TLN2: variants seen among roughly 807,000 people sequenced by gnomAD.
The protein encoded by TLN2 is talin-2.
In TLN2, 118 loss-of-function variants were observed where a neutral mutation model predicts 294.7. The observed-to-expected ratio is 0.40, with a 90% CI of 0.34 to 0.47. The LOEUF (loss-of-function observed/expected upper bound fraction) is 0.47, where lower values mean the gene tolerates loss of function less well. Among genes scored for constraint, TLN2 ranks in the 20% least tolerant of loss-of-function variants. The pLI, the probability that TLN2 is intolerant of heterozygous loss-of-function variation, is 0.84. For synonymous variants in TLN2, 1,431 were observed against 1,304.5 expected (o/e 1.10, Z -2.09); for missense variants, 3,083 against 3,282.2 (o/e 0.94, Z 1.48).
At chr15:62,464,727 T>G (rs936735530) in intron 1 of TLN2, among the ~76,000 whole-genome samples, 1 of 152,186 alleles carries the variant, frequency 6.6e-6, no homozygotes, top group Non-Finnish European at 1.5e-5. Context: ...TTATTCTTGT[T>G]CATGTTAGCA....
At chr15:62,412,626 T>A (rs1379417865) in intron 1 of TLN2, among the ~76,000 whole-genome samples, 1 of 152,212 alleles carries the variant, frequency 6.6e-6, no homozygotes, top group Non-Finnish European at 1.5e-5. Flanking sequence ...TCAGCAACTT[T>A]GAGTTCTTGA....
chr15:62,480,431 C>T (rs2038018044), intron 1 of TLN2, among the ~76,000 whole-genome samples: 1 of 152,074 alleles, frequency 6.6e-6, no homozygotes, highest in Non-Finnish European at 1.5e-5. Flanking sequence ...CCATGGTTGG[C>T]CAGGCTGATC....
At chr15:62,403,826 C>G (rs1435740873) in intron 1 of TLN2, among the ~76,000 whole-genome samples, 1 of 152,170 alleles carries the variant, frequency 6.6e-6, no homozygotes, top group South Asian at 2.1e-4. Context: ...CGCCGGCATC[C>G]CCTGGCCCCT....
chr15:62,730,674 C>A (rs1266034277), intron 28 of TLN2, among the ~76,000 whole-genome samples: 1 of 152,162 alleles, frequency 6.6e-6, no homozygotes, highest in Non-Finnish European at 1.5e-5. Flanking sequence ...AGATGTTATT[C>A]CATTGTTGCT....
intron 1 of TLN2, among the ~76,000 whole-genome samples, chr15:62,435,337 G>A (rs1049266450): frequency 2.0e-5 from 3 of 152,160 alleles, no homozygotes; most frequent in Non-Finnish European, 4.4e-5. Context: ...TTGCAGAATT[G>A]CCACACTATC....
intron 1 of TLN2, among the ~76,000 whole-genome samples, chr15:62,572,755 T>C (rs957957488): frequency 6.6e-6 from 1 of 150,716 alleles, no homozygotes. Flanking sequence ...CAGGCCTCTC[T>C]GGAGAGGCTT....
At chr15:62,426,757 C>T (rs971064522) in intron 1 of TLN2, among the ~76,000 whole-genome samples, 1 of 152,076 alleles carries the variant, frequency 6.6e-6, no homozygotes, top group African/African-American at 2.4e-5. Context: ...TTGGGAGGCC[C>T]TGCCTTGTGG....
At chr15:62,503,997 T>G (rs2471021) in intron 1 of TLN2, among the ~76,000 whole-genome samples, 34,800 of 152,194 alleles carry the variant, frequency 0.23, 4,839 homozygotes, top group East Asian at 0.56. Context: ...TCATCTGTGC[T>G]TTTTTGAGCC....
chr15:62,840,605 G>A lies in TLN2; in HGVS notation c.7624G>A (p.Gly2542Ser). 2 of 1,613,900 alleles carry A rather than the reference G, an allele frequency of 1.2e-6. No homozygotes were observed. The highest frequency in any genetic ancestry group is 2.2e-5 in the East Asian group (1 of 44,860). Residue 2542 changes from glycine (G) to serine (S), a missense_variant, in exon 59 of 59, where the codon GGC becomes AGC. Physicochemically the swap from Gly to Ser is moderately conservative, Grantham distance 56 (BLOSUM62 0). Transcript: ENST00000636159. Reference protein sequence around the residue: ...FLPTELREDEG With the variant: ...FLPTELREDES Reference sequence around the variant, plus strand: ...ACCCACCGAGCTGAGGGAAGATGAGGGCTAAAGGTGCGAGCCCAGATGGCG... The same window carrying A: ...ACCCACCGAGCTGAGGGAAGATGAGAGCTAAAGGTGCGAGCCCAGATGGCG...
At chr15:62,638,429 A>C in intron 3 of TLN2, 1 of 424,900 alleles carries the variant, frequency 2.4e-6, no homozygotes. Flanking sequence ...TTAATGATGG[A>C]ATTCCAGGTG....
At chr15:62,541,829 C>T (rs560644044) in intron 1 of TLN2, among the ~76,000 whole-genome samples, 5 of 151,946 alleles carry the variant, frequency 3.3e-5, no homozygotes, top group Non-Finnish European at 5.9e-5. Flanking sequence ...TTTATTGTAA[C>T]TTCAAGATGT....
At chr15:62,537,512 C>T (rs1187824442) in intron 1 of TLN2, among the ~76,000 whole-genome samples, 3 of 152,104 alleles carry the variant, frequency 2.0e-5, no homozygotes, top group Non-Finnish European at 4.4e-5. Context: ...ATCTAAAACA[C>T]TGTAAAAAAG....
intron 5 of TLN2, among the ~76,000 whole-genome samples, chr15:62,651,377 C>G (rs182764493): frequency 6.6e-6 from 1 of 151,924 alleles, no homozygotes; most frequent in East Asian, 1.9e-4. Flanking sequence ...GAAGGTGACT[C>G]TAGGTGACAG....
intron 1 of TLN2, among the ~76,000 whole-genome samples, chr15:62,515,516 T>C (rs188918799): frequency 1.3e-5 from 2 of 152,346 alleles, no homozygotes; most frequent in East Asian, 1.9e-4. Flanking sequence ...GATCCTATTA[T>C]GTGTTGGGTT....
chr15:62,508,210 T>A (rs960270884), intron 1 of TLN2, among the ~76,000 whole-genome samples: 19 of 151,752 alleles, frequency 1.3e-4, no homozygotes, highest in Non-Finnish European at 2.5e-4. Flanking sequence ...TTTTTTAAAA[T>A]TATTTTATTT....
At chr15:62,825,826 T>A (rs1475328528) in intron 54 of TLN2, among the ~76,000 whole-genome samples, 204 of 7,558 alleles carry the variant, frequency 0.027, 34 homozygotes, top group African/African-American at 0.036. Context: ...TAATATATAT[T>A]ATAATATATA....
intron 3 of TLN2, among the ~76,000 whole-genome samples, chr15:62,633,911 T>A (rs74585124): frequency 0.041 from 6,264 of 152,280 alleles, 145 homozygotes; most frequent in Non-Finnish European, 0.053. Flanking sequence ...AGGATCTGTT[T>A]CAGGCCTCTC....
intron 28 of TLN2, among the ~76,000 whole-genome samples, chr15:62,733,416 T>C (rs991709978): frequency 6.6e-6 from 1 of 152,108 alleles, no homozygotes. Flanking sequence ...ATAATTGAGG[T>C]GTGTGGGGTT....
At chr15:62,678,746 G>A (rs964533517) in intron 11 of TLN2, among the ~76,000 whole-genome samples, 4 of 152,162 alleles carry the variant, frequency 2.6e-5, no homozygotes, top group South Asian at 2.1e-4. Flanking sequence ...CAGGAGAATC[G>A]TTTGAACCTG....
Sources: allele counts gnomAD v4.1 joint callset (sites outside exome capture counted in the v4.1 genomes callset), GRCh38; gene constraint gnomAD v4.1.1; transcripts MANE v1.5; gene names NCBI Gene and HGNC (gene_info 2026-07-23, HGNC 2026-07-21).